The following WSCD2 variants were observed in gnomAD, a reference collection of about 807,000 sequenced individuals.
WSCD2 encodes the protein sialate:O-sulfotransferase 2.
WSCD2 carries 28 observed loss-of-function variants against 55.7 expected under a neutral mutation model. The ratio of observed to expected loss-of-function variants is 0.50; its 90% CI spans 0.37 to 0.69. WSCD2 has a LOEUF of 0.69. Ranked by LOEUF, WSCD2 falls within the 30% of genes least tolerant of loss-of-function variation. The pLI is 0.00. For synonymous variants in WSCD2, 301 were observed against 301.9 expected (o/e 1.00, Z 0.03); for missense variants, 616 against 762.1 (o/e 0.81, Z 2.26).
At chr12:108,187,127 T>C (rs943156285) in intron 1 of WSCD2, among the ~76,000 whole-genome samples, 1 of 152,208 alleles carries the variant, frequency 6.6e-6, no homozygotes, top group Non-Finnish European at 1.5e-5. Flanking sequence ...GGGCCAAGAA[T>C]GGATTGACCA....
intron 1 of WSCD2, among the ~76,000 whole-genome samples, chr12:108,141,767 G>T (rs1008965182): frequency 6.6e-5 from 10 of 152,162 alleles, no homozygotes; most frequent in Non-Finnish European, 1.5e-4. Flanking sequence ...CGGGGAGCTG[G>T]TATATGATGA....
intron 2 of WSCD2, among the ~76,000 whole-genome samples, chr12:108,199,988 G>A (rs1315028219): frequency 3.9e-5 from 6 of 152,178 alleles, no homozygotes; most frequent in Non-Finnish European, 8.8e-5. Context: ...AGAAAATGGA[G>A]GAATAGAGGT....
intron 8 of WSCD2, among the ~76,000 whole-genome samples, chr12:108,241,349 A>G (rs1003709410): frequency 5.9e-5 from 9 of 152,318 alleles, no homozygotes; most frequent in African/African-American, 2.2e-4. Context: ...GTCAGACCCA[A>G]CTTCTGCCAT....
chr12:108,189,912 T>TA (rs1882949767), intron 1 of WSCD2: 1 of 152,034 alleles, frequency 6.6e-6, no homozygotes, highest in Non-Finnish European at 1.5e-5. Context: ...TGAAGGAAAA[T>TA]AGAGTCCTTG....
intron 1 of WSCD2, among the ~76,000 whole-genome samples, chr12:108,158,533 T>C (rs1378984065): frequency 6.6e-6 from 1 of 152,126 alleles, no homozygotes; most frequent in Non-Finnish European, 1.5e-5. Flanking sequence ...CAGCCCTAGA[T>C]GCAAGGCCCA....
chr12:108,218,082 C>A (rs1318748669), intron 4 of WSCD2, among the ~76,000 whole-genome samples: 2 of 152,222 alleles, frequency 1.3e-5, no homozygotes, highest in Non-Finnish European at 2.9e-5. Context: ...CCTTTGACTG[C>A]CCCCTCTCTA....
At chr12:108,173,810 C>CTCTCTCTGTGTG (rs376999073) in intron 1 of WSCD2, among the ~76,000 whole-genome samples, 24 of 131,144 alleles carry the variant, frequency 1.8e-4, no homozygotes, top group Middle Eastern at 3.5e-3. Flanking sequence ...TCCTGGCTCT[C>CTCTCTCTGTGTG]TGTGTGTGTG....
intron 1 of WSCD2, among the ~76,000 whole-genome samples, chr12:108,163,126 G>C (rs920512479): frequency 2.6e-5 from 4 of 152,122 alleles, no homozygotes; most frequent in African/African-American, 9.7e-5. Flanking sequence ...ATCCAGATGG[G>C]TCTGATCTGA....
chr12:108,164,138 C>CT, intron 1 of WSCD2, among the ~76,000 whole-genome samples: 2,648 of 71,712 alleles, frequency 0.037, 855 homozygotes, highest in African/African-American at 0.077. Context: ...AATCTTAAAT[C>CT]CTTTTTTTTT....
At chr12:108,148,245 A>G (rs1877606578) in intron 1 of WSCD2, among the ~76,000 whole-genome samples, 1 of 152,150 alleles carries the variant, frequency 6.6e-6, no homozygotes, top group Non-Finnish European at 1.5e-5. Context: ...ATCTCCAGAC[A>G]TTTGCCGAAC....
intron 2 of WSCD2, among the ~76,000 whole-genome samples, chr12:108,198,585 CTAA>C (rs748701175): frequency 6.6e-6 from 1 of 152,204 alleles, no homozygotes; most frequent in African/African-American, 2.4e-5. Flanking sequence ...GCCATCAATG[CTAA>C]TAATAAGGAC....
At chr12:108,132,932 G>T (rs1303840998) in intron 1 of WSCD2, among the ~76,000 whole-genome samples, 1 of 152,010 alleles carries the variant, frequency 6.6e-6, no homozygotes, top group Non-Finnish European at 1.5e-5. Context: ...ACACCTGATT[G>T]TCTCTGTATG....
In WSCD2 at chr12:108,226,986, C is replaced by T. The variant is rs1380377246; in HGVS notation, c.805-4C>T. On this transcript the variant is annotated splice_polypyrimidine_tract_variant and splice_region_variant and intron_variant, in intron 5 of 8. Transcript: ENST00000547525. The stretch of plus-strand genomic sequence containing the variant: ...TTCCTCTTCTTCTCCCACTCCATCC[C>T]CAGGAGTACCCGCTGGCAGCTCTTG... The T allele has an allele frequency of 1.2e-6, 2 of 1,612,300 alleles. No homozygotes were observed. The highest frequency in any genetic ancestry group is 3.3e-5 in the Admixed American group (2 of 59,854).
At chr12:108,185,737 C>T (rs988353809) in intron 1 of WSCD2, among the ~76,000 whole-genome samples, 2 of 152,162 alleles carry the variant, frequency 1.3e-5, no homozygotes, top group Non-Finnish European at 2.9e-5. Context: ...CTGTTCTCTG[C>T]CATTCCCTGT....
At chr12:108,178,841 A>C (rs1202579344) in intron 1 of WSCD2, among the ~76,000 whole-genome samples, 1 of 152,194 alleles carries the variant, frequency 6.6e-6, no homozygotes, top group African/African-American at 2.4e-5. Flanking sequence ...TAATTTGGGG[A>C]GACATAATTC....
chr12:108,181,897 C>CCA (rs1881818616), intron 1 of WSCD2, among the ~76,000 whole-genome samples: 1 of 152,234 alleles, frequency 6.6e-6, no homozygotes, highest in African/African-American at 2.4e-5. Flanking sequence ...ACAGTTACTG[C>CCA]AGGTAACTCT....
chr12:108,188,711 G>A (rs577735824), intron 1 of WSCD2, among the ~76,000 whole-genome samples: 2 of 152,152 alleles, frequency 1.3e-5, no homozygotes, highest in African/African-American at 4.8e-5. Flanking sequence ...AAGTGTTCGA[G>A]GCATGGCCAT....
At chr12:108,201,540 C>T (rs1200293244) in intron 2 of WSCD2, among the ~76,000 whole-genome samples, 1 of 152,000 alleles carries the variant, frequency 6.6e-6, no homozygotes, top group South Asian at 2.1e-4. Flanking sequence ...ACAGGGCACA[C>T]AATTCAGCCT....
At chr12:108,244,842 T>C (rs1889975630) in intron 8 of WSCD2, among the ~76,000 whole-genome samples, 1 of 152,076 alleles carries the variant, frequency 6.6e-6, no homozygotes, top group African/African-American at 2.4e-5. Flanking sequence ...GGTGCTCTAT[T>C]TTTTCTTTTT....
Sources: allele counts gnomAD v4.1 joint callset (sites outside exome capture counted in the v4.1 genomes callset), GRCh38; gene constraint gnomAD v4.1.1; transcripts MANE v1.5; gene names NCBI Gene and HGNC (gene_info 2026-07-23, HGNC 2026-07-21).